The following RORA variants were observed in gnomAD, a reference collection of about 807,000 sequenced individuals.
RORA encodes RAR related orphan receptor A.
Under a neutral mutation model 69.5 loss-of-function variants are expected in RORA, and 7 were observed. The ratio of observed to expected loss-of-function variants is 0.10; its 90% CI spans 0.06 to 0.19. RORA has a LOEUF of 0.19. Among genes scored for constraint, RORA ranks in the 10% least tolerant of loss-of-function variants. RORA has a pLI of 1.00. For synonymous variants in RORA, 261 were observed against 240.8 expected, an observed-to-expected ratio of 1.08 and a Z score of -0.78; for missense variants, 457 against 663.0, an observed-to-expected ratio of 0.69 and a Z score of 3.41.
At chr15:61,194,486 C>T (rs2079829218) in intron 1 of RORA, among the ~76,000 whole-genome samples, 1 of 149,676 alleles carries the variant, frequency 6.7e-6, no homozygotes, top group Non-Finnish European at 1.5e-5. Flanking sequence ...TCGCTTGAAC[C>T]CGGGAGGTCG....
At chr15:60,785,748 G>C (rs1382452713) in intron 1 of RORA, among the ~76,000 whole-genome samples, 1 of 152,158 alleles carries the variant, frequency 6.6e-6, no homozygotes, top group Non-Finnish European at 1.5e-5. Flanking sequence ...TCCTATTCAT[G>C]TTTCCGATCA....
At chr15:60,867,617 G>A (rs1249690459) in intron 1 of RORA, among the ~76,000 whole-genome samples, 1 of 152,030 alleles carries the variant, frequency 6.6e-6, no homozygotes, top group African/African-American at 2.4e-5. Context: ...CTGCTCTTGG[G>A]TTCTAACAAA....
intron 1 of RORA, among the ~76,000 whole-genome samples, chr15:60,796,850 G>T (rs2072505388): frequency 6.6e-6 from 1 of 151,588 alleles, no homozygotes; most frequent in African/African-American, 2.4e-5. Context: ...ATATTATTCA[G>T]CCACAAAAAA....
intron 1 of RORA, among the ~76,000 whole-genome samples, chr15:61,205,533 C>T (rs142873488): frequency 6.6e-6 from 1 of 152,284 alleles, no homozygotes; most frequent in African/African-American, 2.4e-5. Flanking sequence ...TCAGCTAAGA[C>T]AGTGAGGAAG....
At chr15:60,902,526 A>G (rs146432618) in intron 1 of RORA, among the ~76,000 whole-genome samples, 5 of 152,330 alleles carry the variant, frequency 3.3e-5, no homozygotes, top group African/African-American at 1.2e-4. Flanking sequence ...GGCCTAGAGA[A>G]GCAGCACGGC....
intron 1 of RORA, among the ~76,000 whole-genome samples, chr15:60,856,471 A>G (rs2073380861): frequency 7.4e-6 from 1 of 135,328 alleles, no homozygotes; most frequent in East Asian, 2.2e-4. Context: ...ATCCATCACG[A>G]TTTTAAAGAA....
At chr15:61,122,442 A>G (rs928638836) in intron 1 of RORA, among the ~76,000 whole-genome samples, 3 of 152,208 alleles carry the variant, frequency 2.0e-5, no homozygotes, top group African/African-American at 7.2e-5. Context: ...TTTAAAAATG[A>G]GGAAAAGAAG....
intron 1 of RORA, among the ~76,000 whole-genome samples, chr15:61,216,482 G>T (rs1220447789): frequency 2.0e-5 from 2 of 102,266 alleles, no homozygotes; most frequent in Admixed American, 1.2e-4. Context: ...TTGCAGACAA[G>T]CTTCTCCGAT....
chr15:61,112,759 G>A (rs940940414), intron 1 of RORA, among the ~76,000 whole-genome samples: 1 of 152,200 alleles, frequency 6.6e-6, no homozygotes, highest in African/African-American at 2.4e-5. Flanking sequence ...CCAGACAGAC[G>A]AAGGATATTA....
chr15:61,192,461 A>G (rs2079809561), intron 1 of RORA, among the ~76,000 whole-genome samples: 1 of 152,140 alleles, frequency 6.6e-6, no homozygotes, highest in Non-Finnish European at 1.5e-5. Context: ...TTCACCAACA[A>G]TGACATACCT....
At chr15:60,919,757 G>A (rs1374704456) in intron 1 of RORA, among the ~76,000 whole-genome samples, 2 of 152,104 alleles carry the variant, frequency 1.3e-5, no homozygotes, top group Non-Finnish European at 2.9e-5. Context: ...CTTTTCCTTA[G>A]GTAGGAGTTT....
At chr15:60,942,059 C>A (rs889210182) in intron 1 of RORA, among the ~76,000 whole-genome samples, 91 of 152,276 alleles carry the variant, frequency 6.0e-4, no homozygotes, top group African/African-American at 2.2e-3. Flanking sequence ...TCCATAATAT[C>A]TTCGGAAGAT....
chr15:61,090,962 A>G (rs1301203582), intron 1 of RORA, among the ~76,000 whole-genome samples: 1 of 152,122 alleles, frequency 6.6e-6, no homozygotes, highest in African/African-American at 2.4e-5. Context: ...TGTCCCTGCT[A>G]ATACCTAAAA....
intron 1 of RORA, among the ~76,000 whole-genome samples, chr15:60,911,474 G>A (rs1228237979): frequency 6.6e-6 from 1 of 152,096 alleles, no homozygotes; most frequent in East Asian, 1.9e-4. Flanking sequence ...TGATTTCTAG[G>A]ATCTTAGGGG....
At chr15:60,533,223 C>G (rs1190452925) in intron 2 of RORA, among the ~76,000 whole-genome samples, 9 of 152,152 alleles carry the variant, frequency 5.9e-5, no homozygotes, top group Admixed American at 5.9e-4. Context: ...ATTCTAAAAG[C>G]TATCCATCAT....
At chr15:61,012,764 C>T (rs1476414661) in intron 1 of RORA, among the ~76,000 whole-genome samples, 3 of 152,132 alleles carry the variant, frequency 2.0e-5, no homozygotes, top group African/African-American at 7.2e-5. Flanking sequence ...ATCCTTCCAC[C>T]TCAGCCTCCT....
At chr15:60,687,666 AT>A (rs779744443) in intron 1 of RORA, among the ~76,000 whole-genome samples, 1 of 152,240 alleles carries the variant, frequency 6.6e-6, no homozygotes, top group Non-Finnish European at 1.5e-5. Context: ...AGGCACAAGA[AT>A]CACTTGAACC....
At chr15:61,129,495 G>C (rs78235258) in intron 1 of RORA, among the ~76,000 whole-genome samples, 1,940 of 152,074 alleles carry the variant, frequency 0.013, 47 homozygotes, top group African/African-American at 0.044. Flanking sequence ...TTTCTGCTCG[G>C]GGGGATGAAA....
intron 2 of RORA, among the ~76,000 whole-genome samples, chr15:60,630,849 T>G (rs1044505325): frequency 6.6e-6 from 1 of 151,028 alleles, no homozygotes; most frequent in Admixed American, 6.6e-5. Flanking sequence ...CTGCCCAAAG[T>G]CACACTGGTA....
Sources: allele counts gnomAD v4.1 joint callset (sites outside exome capture counted in the v4.1 genomes callset), GRCh38; gene constraint gnomAD v4.1.1; transcripts MANE v1.5; gene names NCBI Gene and HGNC (gene_info 2026-07-23, HGNC 2026-07-21).